DOCK10: variants seen among roughly 807,000 people sequenced by gnomAD.
DOCK10 encodes dedicator of cytokinesis 10.
Under a neutral mutation model 280.1 loss-of-function variants are expected in DOCK10, and 145 were observed. That is an observed-to-expected ratio of 0.52 (90% CI 0.45 to 0.59). DOCK10 has a LOEUF of 0.59. Ranked by LOEUF, DOCK10 falls within the 20% of genes least tolerant of loss-of-function variation. The probability of loss-of-function intolerance (pLI) is 0.00; values close to 1 mark genes in which losing one functional copy is unlikely to be tolerated. For missense variants in DOCK10, 2,368 were observed against 2,651.7 expected (o/e 0.89, Z 2.35); for synonymous variants, 915 against 942.2 (o/e 0.97, Z 0.53).
chr2:224,859,495 T>C (rs1433881973), intron 14 of DOCK10, among the ~76,000 whole-genome samples: 1 of 152,220 alleles, frequency 6.6e-6, no homozygotes, highest in Non-Finnish European at 1.5e-5. Context: ...CCCCCAAGGA[T>C]AACCTTTTCA....
chr2:224,880,090 C>T (rs866395848), intron 7 of DOCK10, among the ~76,000 whole-genome samples: 1 of 152,118 alleles, frequency 6.6e-6, no homozygotes, highest in South Asian at 2.1e-4. Context: ...AAAATATAAA[C>T]GAGTTGATTT....
intron 1 of DOCK10, among the ~76,000 whole-genome samples, chr2:224,976,694 A>AC (rs1417127489): frequency 2.0e-5 from 3 of 151,556 alleles, no homozygotes; most frequent in African/African-American, 4.9e-5. Context: ...AAAAAAAAAA[A>AC]AAAAAGGTTC....
chr2:224,786,492 T>C lies in DOCK10; in HGVS notation c.5655+530A>G, dbSNP rs757981144. On this transcript the variant is annotated intron_variant, in intron 50 of 55. Coordinates refer to ENST00000258390, the MANE Select transcript of DOCK10 (RefSeq NM_014689.3). The surrounding 1 kb of genome is among the most constrained non-coding windows in gnomAD (Gnocchi z 4.7). ...TATGCAGCAAACTGGGAAAAACAACTTTGAAATTACATTGACTTGCAATAT... is the reference window on the plus strand; with the variant it reads ...TATGCAGCAAACTGGGAAAAACAACCTTGAAATTACATTGACTTGCAATAT... 1.3e-5 allele frequency among the ~76,000 whole-genome samples: 2 copies of C among 152,120 alleles called. No homozygotes were observed. The highest frequency in any genetic ancestry group is 2.9e-5 in the Non-Finnish European group (2 of 68,016).
chr2:224,783,580 T>A (rs1172460979), intron 50 of DOCK10, among the ~76,000 whole-genome samples: 1 of 151,966 alleles, frequency 6.6e-6, no homozygotes. Flanking sequence ...AGCCTTGGAA[T>A]TTTTTTATAA....
intron 1 of DOCK10, among the ~76,000 whole-genome samples, chr2:224,995,476 T>C (rs1032140979): frequency 6.6e-6 from 1 of 152,252 alleles, no homozygotes; most frequent in African/African-American, 2.4e-5. Flanking sequence ...ACGCCAATAA[T>C]ACACAGGAGG....
chr2:224,940,488 T>C (rs1702971193), intron 1 of DOCK10, among the ~76,000 whole-genome samples: 1 of 152,198 alleles, frequency 6.6e-6, no homozygotes, highest in Non-Finnish European at 1.5e-5. Flanking sequence ...ACTTCTGTCT[T>C]TGAGGTGTGG....
rs151160080 is a variant in DOCK10, at chr2:225,026,465, T to C, written c.123+15787A>G. Among the ~76,000 whole-genome samples, 259 of 152,140 alleles carry C rather than the reference T, an allele frequency of 1.7e-3. 1 individual carries two copies. The highest frequency in any genetic ancestry group is 2.4e-3 in the Non-Finnish European group (166 of 68,012). On this transcript the variant is annotated intron_variant, in intron 1 of 55. Coordinates refer to ENST00000258390, the MANE Select transcript of DOCK10 (RefSeq NM_014689.3). ...AGAAATACTGAGTGACTTACATAAA[T>C]CACTAAGGTCAGGGAGCTGTCTGAA...
intron 1 of DOCK10, among the ~76,000 whole-genome samples, chr2:224,979,508 G>T (rs1360223939): frequency 6.6e-6 from 1 of 152,176 alleles, no homozygotes; most frequent in African/African-American, 2.4e-5. Context: ...TGACCCCATT[G>T]CCTCCCTGAC....
Position 224,830,612 on chromosome 2 carries a change from G to A in DOCK10, c.2965C>T (p.His989Tyr). ...DSTTVKHVLK[H>Y]SWFFFAIILK... ...ATAATTGCAAAGAAGAACCAGGAATGCTGTTGGGAAAAAAAAGGCAACGAG... is the reference window on the plus strand; with the variant it reads ...ATAATTGCAAAGAAGAACCAGGAATACTGTTGGGAAAAAAAAGGCAACGAG... Residue 989 changes from histidine (H) to tyrosine (Y), a missense_variant and splice_region_variant, in exon 27 of 56, where the codon CAT (histidine) becomes TAT (tyrosine). Physicochemically the swap from His to Tyr is moderately conservative, Grantham distance 83 (BLOSUM62 2). Transcript: ENST00000258390. 1 of 1,513,636 alleles carries A rather than the reference G, an allele frequency of 6.6e-7. No individual in the cohort carries two copies. The allele number at this position is 1,513,636 out of a possible 1,614,324, so 93.8% of individuals were successfully genotyped here.
intron 7 of DOCK10, among the ~76,000 whole-genome samples, chr2:224,881,967 G>A (rs1461421899): frequency 6.6e-6 from 1 of 152,154 alleles, no homozygotes; most frequent in African/African-American, 2.4e-5. Flanking sequence ...GGAGGTATCT[G>A]CATTTCTAGC....
At chr2:224,867,109 A>ACACAC (rs1559605159) in intron 11 of DOCK10, among the ~76,000 whole-genome samples, 138 of 132,904 alleles carry the variant, frequency 1.0e-3, no homozygotes, top group African/African-American at 3.6e-3. Context: ...CACACACACA[A>ACACAC]AATTTATTTA....
chr2:224,931,961 G>A (rs556400959), intron 1 of DOCK10, among the ~76,000 whole-genome samples: 1 of 152,292 alleles, frequency 6.6e-6, no homozygotes, highest in South Asian at 2.1e-4. Context: ...CAGAATAGAT[G>A]TTTATGTAAA....
At chr2:224,874,780 T>A in intron 8 of DOCK10, 29 bp from the exon 9 acceptor site, 1 of 1,582,662 alleles carries the variant, frequency 6.3e-7, no homozygotes, top group African/African-American at 1.3e-5. Flanking sequence ...GTCAGGTTAT[T>A]AAATATTACT....
At chr2:224,948,532 A>G (rs1703553571) in intron 1 of DOCK10, among the ~76,000 whole-genome samples, 1 of 152,194 alleles carries the variant, frequency 6.6e-6, no homozygotes, top group Non-Finnish European at 1.5e-5. Context: ...GAATCTTCAG[A>G]TTTATTATTT....
intron 3 of DOCK10, among the ~76,000 whole-genome samples, chr2:224,904,749 A>C (rs1458972999): frequency 6.6e-6 from 1 of 152,220 alleles, no homozygotes; most frequent in Admixed American, 6.5e-5. Flanking sequence ...ATTAGTATGA[A>C]GCATACTAAA....
At chr2:225,013,967 T>G (rs1689515079) in intron 1 of DOCK10, among the ~76,000 whole-genome samples, 1 of 152,132 alleles carries the variant, frequency 6.6e-6, no homozygotes, top group Non-Finnish European at 1.5e-5. Context: ...TTAAGAGCCT[T>G]TCATATTTTT....
At chr2:224,952,441 CAGGTGAGAAGTCGAAATAA>C (rs1180037415) in intron 1 of DOCK10, among the ~76,000 whole-genome samples, 4 of 151,744 alleles carry the variant, frequency 2.6e-5, no homozygotes, top group Non-Finnish European at 1.5e-5. Context: ...CAGTGAAATA[CAGGTGAGAAGTCGAAATAA>C]AGGTGAGAAG....
At chr2:224,929,243 A>T (rs1702194982) in intron 2 of DOCK10, among the ~76,000 whole-genome samples, 2 of 152,264 alleles carry the variant, frequency 1.3e-5, no homozygotes, top group African/African-American at 2.4e-5. Context: ...AATCTTTAAT[A>T]AGTAAACCCA....
chr2:224,855,063 G>GAACA (rs1559570256), intron 15 of DOCK10, 21 bp from the exon 16 acceptor site: 1 of 663,174 alleles, frequency 1.5e-6, no homozygotes. Context: ...GCATGAGCAA[G>GAACA]GACACACACA....
Sources: gnomAD v4.1 joint callset for allele counts (sites outside exome capture counted in the v4.1 genomes callset) on GRCh38, gnomAD v4.1.1 for gene constraint, Gnocchi (gnomAD v3.1) non-coding constraint, MANE v1.5 for transcripts, NCBI Gene and HGNC (gene_info 2026-07-23, HGNC 2026-07-21) for gene names.